The following ASTN2 variants were observed in gnomAD, a reference collection of about 807,000 sequenced individuals.
ASTN2 encodes astrotactin 2.
In ASTN2, 54 loss-of-function variants were observed where a neutral mutation model predicts 139.8. The observed-to-expected ratio is 0.39, with a 90% CI of 0.31 to 0.48. The LOEUF (loss-of-function observed/expected upper bound fraction) is 0.48, where lower values mean the gene tolerates loss of function less well. ASTN2 is among the 20% of genes least tolerant of loss of function. The pLI is 0.95. For missense variants in ASTN2, 1,565 were observed against 1,725.1 expected (o/e 0.91, Z 1.64); for synonymous variants, 756 against 719.5 (o/e 1.05, Z -0.81).
intron 1 of ASTN2, among the ~76,000 whole-genome samples, chr9:117,406,857 AAC>A (rs59125408): frequency 0.22 from 31,880 of 143,956 alleles, 4,222 homozygotes; most frequent in East Asian, 0.57. Flanking sequence ...ATTGTCCCCT[AAC>A]ACACACACAC....
chr9:116,472,257 A>G lies in ASTN2; in HGVS notation c.3497+15102T>C, dbSNP rs552390734. 1.1e-4 allele frequency among the ~76,000 whole-genome samples: 17 copies of G among 152,170 alleles called. 1 individual carries two copies. Among genetic ancestry groups the G allele is most frequent in the African/African-American group, 4.1e-4 (17 of 41,488 alleles). ...GTACCCCATATGTGGTCCCTTCAAT[A>G]TCCTACCTCCCTGCCTTCATTTCAG... On this transcript the variant is annotated intron_variant, in intron 20 of 22. Coordinates refer to ENST00000313400, the MANE Select transcript of ASTN2 (RefSeq NM_001365068.1).
At chr9:116,874,395 T>C (rs1212958135) in intron 10 of ASTN2, among the ~76,000 whole-genome samples, 1 of 152,164 alleles carries the variant, frequency 6.6e-6, no homozygotes, top group African/African-American at 2.4e-5. Flanking sequence ...TCACATCCCT[T>C]AGTGCACTGG....
At chr9:116,540,439 G>C (rs1460782131) in intron 19 of ASTN2, 1 of 152,192 alleles carries the variant, frequency 6.6e-6, no homozygotes, top group African/African-American at 2.4e-5. Flanking sequence ...CTGAATCTCA[G>C]ATCCCCAGAG....
At chr9:116,697,924 G>A in intron 16 of ASTN2, 1 of 1,614,190 alleles carries the variant, frequency 6.2e-7, no homozygotes, top group Non-Finnish European at 8.5e-7. Context: ...GGTGTCCGCT[G>A]TCCCTTTTGC....
In ASTN2 at chr9:116,563,507, C is replaced by T. The variant is rs140519688; in HGVS notation, c.3355+54817G>A. 7.3e-3 allele frequency among the ~76,000 whole-genome samples: 1,117 copies of T among 152,280 alleles called. 15 individuals carry two copies. Among genetic ancestry groups the T allele is most frequent in the African/African-American group, 0.026 (1,076 of 41,562 alleles). On this transcript the variant is annotated intron_variant, in intron 19 of 22. Coordinates refer to ENST00000313400, the MANE Select transcript of ASTN2 (RefSeq NM_001365068.1). ...CTTTGTCATCCTCAAACACATCAGACGCGCTTCCATCTCAAGGTCTTGCAC... is the reference window on the plus strand; with the variant it reads ...CTTTGTCATCCTCAAACACATCAGATGCGCTTCCATCTCAAGGTCTTGCAC...
At chr9:117,335,418 A>C (rs1391285360) in intron 1 of ASTN2, among the ~76,000 whole-genome samples, 1 of 152,208 alleles carries the variant, frequency 6.6e-6, no homozygotes, top group Non-Finnish European at 1.5e-5. Context: ...CATGTTAGGA[A>C]GACAGTCTGA....
chr9:116,953,264 G>GTGCC (rs1249398635), intron 10 of ASTN2, among the ~76,000 whole-genome samples: 1 of 152,194 alleles, frequency 6.6e-6, no homozygotes, highest in Non-Finnish European at 1.5e-5. Context: ...GTTAAGTGGG[G>GTGCC]TGCCCAAAGC....
At chr9:116,447,950 G>T (rs911985094) in intron 20 of ASTN2, among the ~76,000 whole-genome samples, 1 of 152,180 alleles carries the variant, frequency 6.6e-6, no homozygotes, top group Non-Finnish European at 1.5e-5. Context: ...CCTCACAGCA[G>T]GGGTGAGAGA....
intron 3 of ASTN2, among the ~76,000 whole-genome samples, chr9:117,182,184 T>G (rs1302098217): frequency 2.0e-5 from 3 of 150,914 alleles, no homozygotes; most frequent in African/African-American, 7.3e-5. Flanking sequence ...CAGGCCAGCC[T>G]CATGCATATT....
intron 1 of ASTN2, among the ~76,000 whole-genome samples, chr9:117,374,842 A>G (rs147834658): frequency 6.6e-6 from 1 of 152,170 alleles, no homozygotes; most frequent in African/African-American, 2.4e-5. Context: ...AAGGAGAAAT[A>G]ATCCAGGTTG....
chr9:116,752,038 A>G (rs889856151), intron 13 of ASTN2, among the ~76,000 whole-genome samples: 2 of 152,196 alleles, frequency 1.3e-5, no homozygotes, highest in African/African-American at 4.8e-5. Flanking sequence ...AGAATAGTCA[A>G]GACAATATTG....
chr9:117,360,703 A>G (rs921217539), intron 1 of ASTN2, among the ~76,000 whole-genome samples: 2 of 152,138 alleles, frequency 1.3e-5, no homozygotes, highest in Non-Finnish European at 2.9e-5. Flanking sequence ...CTGAGCAGCC[A>G]ACCTGATTTC....
In ASTN2 at chr9:117,155,532, G is replaced by C. The variant is rs755288730; in HGVS notation, c.1016-14054C>G. ...AGACAGAGACAGAGACAGAGAGGCT[G>C]TGATAGAACCTCAAAACCAAGCCCC... On this transcript the variant is annotated intron_variant, in intron 3 of 22. Coordinates refer to ENST00000313400, the MANE Select transcript of ASTN2 (RefSeq NM_001365068.1). 6.1e-5 allele frequency among the ~76,000 whole-genome samples: 9 copies of C among 148,584 alleles called. No individual in the cohort carries two copies. In the South Asian group the frequency reaches 1.2e-3, roughly 21 times the overall value.
intron 16 of ASTN2, among the ~76,000 whole-genome samples, chr9:116,724,216 G>A (rs528204302): frequency 6.6e-6 from 1 of 152,282 alleles, no homozygotes; most frequent in African/African-American, 2.4e-5. Flanking sequence ...TTATTGCCCT[G>A]CTTAATGATG....
chr9:117,195,216 G>A (rs1215645682), intron 3 of ASTN2, among the ~76,000 whole-genome samples: 1 of 152,190 alleles, frequency 6.6e-6, no homozygotes, highest in African/African-American at 2.4e-5. Context: ...TTTGTCTGAA[G>A]AAATGAGATT....
At chr9:116,706,308 TTTG>T (rs1318081456) in intron 16 of ASTN2, among the ~76,000 whole-genome samples, 1 of 152,156 alleles carries the variant, frequency 6.6e-6, no homozygotes, top group African/African-American at 2.4e-5. Flanking sequence ...GTCAGACTCA[TTTG>T]TTGATGTCTG....
intron 19 of ASTN2, among the ~76,000 whole-genome samples, chr9:116,542,758 A>T (rs960420018): frequency 5.3e-5 from 8 of 151,938 alleles, no homozygotes; most frequent in Admixed American, 5.2e-4. Flanking sequence ...CCCTTCCAAA[A>T]ATACAAAAAG....
intron 10 of ASTN2, among the ~76,000 whole-genome samples, chr9:116,864,355 T>C (rs1832965909): frequency 1.3e-5 from 2 of 152,204 alleles, no homozygotes; most frequent in Non-Finnish European, 2.9e-5. Flanking sequence ...TTTCAGACTA[T>C]TGTGTATAAG....
At chr9:117,255,475 T>C (rs1833659280) in intron 2 of ASTN2, among the ~76,000 whole-genome samples, 2 of 152,216 alleles carry the variant, frequency 1.3e-5, no homozygotes, top group African/African-American at 4.8e-5. Context: ...CCTAAGGTCA[T>C]ACATTGATGA....
Sources: gnomAD v4.1 joint callset for allele counts (sites outside exome capture counted in the v4.1 genomes callset) on GRCh38, gnomAD v4.1.1 for gene constraint, MANE v1.5 for transcripts, NCBI Gene and HGNC (gene_info 2026-07-23, HGNC 2026-07-21) for gene names.